The following KCNH1 variants were observed in gnomAD, a reference collection of about 807,000 sequenced individuals.
KCNH1 encodes potassium voltage-gated channel subfamily H member 1.
KCNH1 carries 27 observed loss-of-function variants against 69.2 expected under a neutral mutation model. The ratio of observed to expected loss-of-function variants is 0.39; its 90% CI spans 0.29 to 0.54. The LOEUF (loss-of-function observed/expected upper bound fraction) is 0.54, where lower values mean the gene tolerates loss of function less well. KCNH1 is among the 20% of genes least tolerant of loss of function. KCNH1 has a pLI of 0.68. For synonymous variants in KCNH1, 456 were observed against 487.7 expected (o/e 0.93, Z 0.86); for missense variants, 798 against 1,261.6 (o/e 0.63, Z 5.57).
intron 5 of KCNH1, among the ~76,000 whole-genome samples, chr1:211,043,838 A>G (rs960505641): frequency 6.6e-6 from 1 of 152,216 alleles, no homozygotes; most frequent in African/African-American, 2.4e-5. Flanking sequence ...AAAAACAAAA[A>G]TCATATGACC....
intron 6 of KCNH1, among the ~76,000 whole-genome samples, chr1:210,939,044 C>A (rs1190625438): frequency 1.3e-5 from 2 of 152,086 alleles, no homozygotes; most frequent in African/African-American, 4.8e-5. Context: ...CTAACAATTG[C>A]CTCTCTGTGA....
intron 7 of KCNH1, among the ~76,000 whole-genome samples, chr1:210,839,672 T>C (rs1224156177): frequency 6.6e-6 from 1 of 152,200 alleles, no homozygotes; most frequent in Non-Finnish European, 1.5e-5. Context: ...TTTGAGATTA[T>C]ACTAGGGAAA....
chr1:211,101,317 A>ACC (rs34881317), intron 3 of KCNH1, among the ~76,000 whole-genome samples: 1 of 67,266 alleles, frequency 1.5e-5, no homozygotes. Context: ...AAAAAACCAT[A>ACC]CACACACACA....
chr1:210,993,566 C>T (rs1658881669), intron 6 of KCNH1, among the ~76,000 whole-genome samples: 1 of 152,232 alleles, frequency 6.6e-6, no homozygotes, highest in African/African-American at 2.4e-5. Flanking sequence ...TATGTCTTAA[C>T]AGAAATTTCC....
intron 7 of KCNH1, among the ~76,000 whole-genome samples, chr1:210,823,110 GCTGA>G (rs1574277879): frequency 6.6e-6 from 1 of 152,088 alleles, no homozygotes; most frequent in African/African-American, 2.4e-5. Flanking sequence ...CTCCAGTCCT[GCTGA>G]CTATGTCCAT....
At chr1:211,117,955 C>A (rs1241540856) in intron 1 of KCNH1, among the ~76,000 whole-genome samples, 1 of 152,204 alleles carries the variant, frequency 6.6e-6, no homozygotes, top group Non-Finnish European at 1.5e-5. Context: ...ATGCTGGACT[C>A]TGTGCAGCCT....
intron 9 of KCNH1, among the ~76,000 whole-genome samples, chr1:210,784,893 G>C (rs960013733): frequency 6.6e-6 from 1 of 152,106 alleles, no homozygotes; most frequent in Admixed American, 6.5e-5. Flanking sequence ...CTCCCAAGCA[G>C]TGAGTAGACT....
intron 1 of KCNH1, among the ~76,000 whole-genome samples, chr1:211,125,365 A>T (rs969057715): frequency 6.6e-6 from 1 of 152,248 alleles, no homozygotes; most frequent in Non-Finnish European, 1.5e-5. Flanking sequence ...AGAGGCTTAA[A>T]GCACAGCCTT....
chr1:211,117,455 GC>G (rs1173965894), intron 1 of KCNH1, among the ~76,000 whole-genome samples: 1 of 152,088 alleles, frequency 6.6e-6, no homozygotes, highest in African/African-American at 2.4e-5. Flanking sequence ...GTTCTTGGGA[GC>G]CCTGAGCTTC....
At chr1:210,710,335 C>G (rs1682038410) in intron 10 of KCNH1, among the ~76,000 whole-genome samples, 1 of 151,976 alleles carries the variant, frequency 6.6e-6, no homozygotes, top group African/African-American at 2.4e-5. Flanking sequence ...TAGGACATTC[C>G]TGTACACTAC....
At chr1:210,849,664 C>G (rs1164276675) in intron 7 of KCNH1, among the ~76,000 whole-genome samples, 9 of 152,058 alleles carry the variant, frequency 5.9e-5, no homozygotes, top group African/African-American at 2.2e-4. Flanking sequence ...CTGTGCCCAG[C>G]TGCCATGAGC....
At chr1:210,971,356 T>C (rs1226737421) in intron 6 of KCNH1, among the ~76,000 whole-genome samples, 1 of 152,182 alleles carries the variant, frequency 6.6e-6, no homozygotes, top group Non-Finnish European at 1.5e-5. Flanking sequence ...CATTGTGTAG[T>C]TGAGTCCATT....
chr1:211,056,318 G>A (rs1690303743), intron 5 of KCNH1, among the ~76,000 whole-genome samples: 4 of 152,286 alleles, frequency 2.6e-5, no homozygotes, highest in African/African-American at 7.2e-5. Flanking sequence ...CTTGAGAAAA[G>A]GGGAGAGTGG....
At chr1:211,112,163 A>G (rs1467717881) in intron 1 of KCNH1, among the ~76,000 whole-genome samples, 1 of 122,392 alleles carries the variant, frequency 8.2e-6, no homozygotes, top group Non-Finnish European at 1.8e-5. Context: ...CCGCCACTGC[A>G]CCGTCTGGGA....
chr1:210,911,106 T>C (rs1460337449), intron 7 of KCNH1, among the ~76,000 whole-genome samples: 2 of 152,190 alleles, frequency 1.3e-5, no homozygotes, highest in Non-Finnish European at 2.9e-5. Flanking sequence ...GGACCATGGA[T>C]TGGCTCACAC....
intron 9 of KCNH1, among the ~76,000 whole-genome samples, chr1:210,776,736 T>A (rs1282253062): frequency 6.6e-6 from 1 of 152,162 alleles, no homozygotes; most frequent in Non-Finnish European, 1.5e-5. Flanking sequence ...TATTTTGTTA[T>A]AGAAGCCCAA....
intron 7 of KCNH1, among the ~76,000 whole-genome samples, chr1:210,807,792 C>T (rs1011476118): frequency 6.6e-6 from 1 of 152,038 alleles, no homozygotes; most frequent in Non-Finnish European, 1.5e-5. Flanking sequence ...ATGGATGTAC[C>T]ACAACCATTT....
At chr1:210,754,170 C>T (rs1033672285) in intron 10 of KCNH1, among the ~76,000 whole-genome samples, 2 of 152,116 alleles carry the variant, frequency 1.3e-5, no homozygotes, top group African/African-American at 2.4e-5. Context: ...CCACCCACCT[C>T]GGCCTCCCAA....
chr1:211,032,793 T>C (rs761443403), intron 5 of KCNH1, among the ~76,000 whole-genome samples: 2 of 152,154 alleles, frequency 1.3e-5, no homozygotes, highest in Admixed American at 1.3e-4. Flanking sequence ...ATATTAGACC[T>C]AAAACCATAA....
Sources: gnomAD v4.1 joint callset for allele counts (sites outside exome capture counted in the v4.1 genomes callset) on GRCh38, gnomAD v4.1.1 for gene constraint, MANE v1.5 for transcripts, NCBI Gene and HGNC (gene_info 2026-07-23, HGNC 2026-07-21) for gene names.